The following FREM1 variants were observed in gnomAD, a reference collection of about 807,000 sequenced individuals.
The protein encoded by FREM1 is FRAS1 related extracellular matrix 1, also known as FRAS1-related extracellular matrix protein 1.
A neutral mutation model predicts 210.1 loss-of-function variants in FREM1; 220 were observed. The observed-to-expected ratio is 1.05, with a 90% CI of 0.94 to 1.17. FREM1 has a LOEUF of 1.17. Ranked by LOEUF, FREM1 falls within the 50% of genes most tolerant of loss-of-function variation. FREM1 has a pLI of 0.00. For synonymous variants in FREM1, 1,189 were observed against 980.2 expected (o/e 1.21, Z -3.98); for missense variants, 3,454 against 2,675.5 (o/e 1.29, Z -6.42).
chr9:14,792,918 A>C, intron 21 of FREM1, 34 bp from the exon 22 acceptor site: 2 of 1,452,864 alleles, frequency 1.4e-6, no homozygotes, highest in Non-Finnish European at 1.9e-6. Flanking sequence ...TTGATATAAA[A>C]ATAGAAGATA....
chr9:14,794,997 CAAAAAA>C (rs36009556), intron 21 of FREM1, among the ~76,000 whole-genome samples: 1 of 120,752 alleles, frequency 8.3e-6, no homozygotes, highest in Non-Finnish European at 1.8e-5. Flanking sequence ...GACTTTCTCT[CAAAAAA>C]AAAAAAAAAA....
intron 8 of FREM1, among the ~76,000 whole-genome samples, chr9:14,843,756 T>A (rs1826105945): frequency 1.4e-5 from 2 of 141,822 alleles, no homozygotes; most frequent in African/African-American, 5.3e-5. Flanking sequence ...CTGGAAAGTT[T>A]TAGAAATGCA....
intron 20 of FREM1, among the ~76,000 whole-genome samples, chr9:14,798,359 T>C (rs1355367725): frequency 6.6e-6 from 1 of 152,174 alleles, no homozygotes; most frequent in Non-Finnish European, 1.5e-5. Flanking sequence ...CCTGTAGTCC[T>C]AACAACTTTT....
intron 29 of FREM1, among the ~76,000 whole-genome samples, chr9:14,753,619 T>A (rs533695014): frequency 6.6e-6 from 1 of 152,326 alleles, no homozygotes; most frequent in South Asian, 2.1e-4. Flanking sequence ...GGTTTTTCAC[T>A]CTGTTTCTTC....
chr9:14,818,720 A>C (rs1244029703), intron 14 of FREM1, among the ~76,000 whole-genome samples: 1 of 152,202 alleles, frequency 6.6e-6, no homozygotes. Context: ...TGGAGACTCA[A>C]GTATTAGTTT....
At chr9:14,857,821 C>A in intron 4 of FREM1, 72 bp from the exon 5 acceptor site, 2 of 1,083,604 alleles carry the variant, frequency 1.8e-6, no homozygotes, top group Non-Finnish European at 1.3e-6. Flanking sequence ...ACCAGTACTC[C>A]GTCCCATGAA....
rs924601142 is a variant in FREM1 at position 14,895,824 on chromosome 9, G to A, written c.-268+14090C>T. ...ACAAGAGATCCTCATAGTTAGGCAG[G>A]AATATCATCACCCCTATTCAGCCTG... On this transcript the variant is annotated intron_variant, in intron 1 of 36. Coordinates refer to ENST00000380880, the MANE Select transcript of FREM1 (RefSeq NM_001379081.2). Among the ~76,000 whole-genome samples the A allele has an allele frequency of 2.0e-5, 3 of 152,132 alleles. No homozygotes were observed. In the South Asian group the frequency reaches 6.2e-4, roughly 32 times the overall value.
At chr9:14,823,017 C>T in intron 13 of FREM1, 143 bp downstream of exon 13, 2 of 522,672 alleles carry the variant, frequency 3.8e-6, no homozygotes, top group Non-Finnish European at 6.1e-6. Context: ...CTTTTTTCTT[C>T]TTTTTTTTAC....
chr9:14,738,723 C>T lies in FREM1; in HGVS notation c.6341-1128G>A, dbSNP rs547166691. On this transcript the variant is annotated intron_variant, in intron 36 of 36. Transcript: ENST00000380880. ...TTTTAAAGTGGTTTAAAAGATTTGT[C>T]ATTTGGCCGGGTGCGGTGGCTCATG... is the stretch of plus-strand genomic sequence containing the variant. 2.0e-5 allele frequency among the ~76,000 whole-genome samples: 3 copies of T among 152,174 alleles called. No individual in the cohort carries two copies. The South Asian group carries it at 6.2e-4, about 32-fold the overall frequency.
Position 14,832,712 on chromosome 9 carries a change from A to G in FREM1, c.1882-7720T>C, listed in dbSNP as rs575904094. ...AGCCTGATGCCTGATATGCTGGCAA[A>G]AGGGTAAAAATTTCTCACCAGTTGG... is the stretch of plus-strand genomic sequence containing the variant. On this transcript the variant is annotated intron_variant, in intron 10 of 36. Coordinates refer to ENST00000380880, the MANE Select transcript of FREM1 (RefSeq NM_001379081.2). Among the ~76,000 whole-genome samples the G allele has an allele frequency of 1.9e-4, 29 of 152,268 alleles. 1 individual carries two copies. In the South Asian group the frequency reaches 5.6e-3, roughly 29 times the overall value.
chr9:14,770,580 T>C lies in FREM1; in HGVS notation c.5059+25A>G. On this transcript the variant is annotated intron_variant, in intron 26 of 36. Transcript: ENST00000380880. The stretch of plus-strand genomic sequence containing the variant: ...GCCACTGGGTATTTTAAAATGGCAA[T>C]TGTAAGGATTAAGGAGGCCAGTACC... The C allele has an allele frequency of 3.8e-6, 6 of 1,569,510 alleles. No individual in the cohort carries two copies. In the South Asian group the frequency reaches 4.4e-5, roughly 12 times the overall value.
At chr9:14,849,499 AAC>A (rs1827276079) in intron 6 of FREM1, among the ~76,000 whole-genome samples, 1 of 152,254 alleles carries the variant, frequency 6.6e-6, no homozygotes, top group Admixed American at 6.5e-5. Flanking sequence ...AATGAGGTAT[AAC>A]ACAGAAATGC....
intron 1 of FREM1, among the ~76,000 whole-genome samples, chr9:14,888,225 G>A (rs1372977476): frequency 6.6e-6 from 1 of 152,134 alleles, no homozygotes; most frequent in Non-Finnish European, 1.5e-5. Context: ...TGGAAAATGA[G>A]ACATAAAGAG....
At chr9:14,799,519 ATGACTG>A (rs1853115986) in intron 20 of FREM1, among the ~76,000 whole-genome samples, 1 of 152,096 alleles carries the variant, frequency 6.6e-6, no homozygotes, top group Non-Finnish European at 1.5e-5. Flanking sequence ...TTTCTTCAAA[ATGACTG>A]TGTCCAAACT....
chr9:14,831,194 C>G (rs2642407), intron 10 of FREM1, among the ~76,000 whole-genome samples: 2,064 of 152,320 alleles, frequency 0.014, 24 homozygotes, highest in Middle Eastern at 0.02. Flanking sequence ...CCGGACACAG[C>G]CTCCAACAGC....
In FREM1 at chr9:14,819,440, C is replaced by T. The variant is rs140837413; in HGVS notation, c.2340G>A (p.Ala780=). 2.7e-5 allele frequency: 44 copies of T among 1,604,372 alleles called. No homozygotes were observed. Among genetic ancestry groups the T allele is most frequent in the Admixed American group, 2.3e-4 (14 of 59,710 alleles). The change falls in exon 14 of 37, where the codon GCG becomes GCA. Residue 780 remains alanine (A), a splice_region_variant and synonymous_variant. Transcript: ENST00000380880. ...ILPVDNQVPE[A]FTNPLKVTEG... ...CAGTCACTTTCAGAGGGTTGGTGAA[C>T]GCCTAGAAAGAAGAAAGGAAGGAAA...
chr9:14,897,180 C>T (rs1484534546), intron 1 of FREM1, among the ~76,000 whole-genome samples: 2 of 152,174 alleles, frequency 1.3e-5, no homozygotes, highest in Admixed American at 1.3e-4. Context: ...ATGTATTATG[C>T]ACTCACTTTG....
At chr9:14,909,251 C>T (rs533058805) in intron 1 of FREM1, among the ~76,000 whole-genome samples, 1 of 152,002 alleles carries the variant, frequency 6.6e-6, no homozygotes, top group African/African-American at 2.4e-5. Context: ...TTTCCATAAG[C>T]CAAAAATTGT....
At chr9:14,851,226 G>T (rs2131386182) in intron 6 of FREM1, 58 bp downstream of exon 6, 3 of 1,279,262 alleles carry the variant, frequency 2.3e-6, no homozygotes, top group East Asian at 4.6e-5. Context: ...AGGGTAGGGG[G>T]TTCTTAAATA....
Sources: gnomAD v4.1 joint callset for allele counts (sites outside exome capture counted in the v4.1 genomes callset) on GRCh38, gnomAD v4.1.1 for gene constraint, MANE v1.5 for transcripts, NCBI Gene and HGNC (gene_info 2026-07-23, HGNC 2026-07-21) for gene names.